Variants in CHODL observed in about 807,000 individuals in gnomAD.
CHODL encodes the protein chondrolectin.
A neutral mutation model predicts 34.5 loss-of-function variants in CHODL; 29 were observed. The ratio of observed to expected loss-of-function variants is 0.84; its 90% CI spans 0.63 to 1.15. CHODL has a LOEUF of 1.15. Among genes scored for constraint, CHODL ranks in the 50% most tolerant of loss-of-function variants. The pLI is 0.00. For synonymous variants in CHODL, 125 were observed against 116.1 expected (o/e 1.08, Z -0.49); for missense variants, 332 against 332.5 (o/e 1.00, Z 0.01).
chr21:18,131,551 C>T (rs75696230), intron 2 of CHODL, among the ~76,000 whole-genome samples: 1 of 152,102 alleles, frequency 6.6e-6, no homozygotes, highest in South Asian at 2.1e-4. Context: ...CCCATTTTCC[C>T]CAGTTATTTT....
intron 2 of CHODL, among the ~76,000 whole-genome samples, chr21:18,225,461 T>C (rs2073922729): frequency 6.6e-6 from 1 of 152,176 alleles, no homozygotes; most frequent in Non-Finnish European, 1.5e-5. Context: ...GTATTATTAT[T>C]CTATTTGACA....
rs148960565 is a variant in CHODL, at chr21:17,962,202, A to G, written c.-145+44802A>G. 4.6e-5 allele frequency among the ~76,000 whole-genome samples: 7 copies of G among 152,338 alleles called. No individual in the cohort carries two copies. The East Asian group carries it at 1.3e-3, about 29-fold the overall frequency. On this transcript the variant is annotated intron_variant, in intron 1 of 6. Coordinates refer to the CHODL transcript ENST00000400127. The stretch of plus-strand genomic sequence containing the variant: ...CAAACATATGGAATCAAGACCATTT[A>G]TCCTCTTAAAGATGTAACCTAAACT...
At chr21:18,165,288 A>G (rs1044207922) in intron 2 of CHODL, among the ~76,000 whole-genome samples, 6 of 152,286 alleles carry the variant, frequency 3.9e-5, no homozygotes, top group Middle Eastern at 3.4e-3. Flanking sequence ...GTGGTATTTT[A>G]TATTTGTTTT....
intron 3 of CHODL, among the ~76,000 whole-genome samples, chr21:18,259,244 C>G (rs73318254): frequency 2.0e-5 from 3 of 151,598 alleles, no homozygotes; most frequent in East Asian, 1.9e-4. Flanking sequence ...AATTTACAGG[C>G]TTTTTTTTAA....
intron 1 of CHODL, among the ~76,000 whole-genome samples, chr21:17,996,125 A>G (rs1253262818): frequency 6.6e-6 from 1 of 151,712 alleles, no homozygotes. Flanking sequence ...CATGCTTCCC[A>G]TCCTTGAGCG....
At chr21:17,952,991 C>T (rs1455038660) in intron 1 of CHODL, among the ~76,000 whole-genome samples, 1 of 152,100 alleles carries the variant, frequency 6.6e-6, no homozygotes, top group Non-Finnish European at 1.5e-5. Flanking sequence ...ATGAGAACAG[C>T]TTGGAAAAAA....
intron 2 of CHODL, among the ~76,000 whole-genome samples, chr21:18,160,224 G>A (rs191837985): frequency 7.9e-4 from 120 of 152,332 alleles, no homozygotes; most frequent in African/African-American, 2.6e-3. Flanking sequence ...TAACTGGTAA[G>A]TTAAGGGACA....
At chr21:18,118,814 T>A (rs1025174419) in intron 2 of CHODL, among the ~76,000 whole-genome samples, 3 of 152,218 alleles carry the variant, frequency 2.0e-5, no homozygotes, top group Admixed American at 2.0e-4. Context: ...TACCATACTT[T>A]AAATACAAAA....
chr21:18,214,258 G>A lies in CHODL; in HGVS notation c.-44-42251G>A, dbSNP rs557455353. On this transcript the variant is annotated intron_variant, in intron 2 of 6. Coordinates refer to the CHODL transcript ENST00000400127. ...TGTTGAAAGTCACCTCAGTTCTAAAGCTTTATCATGTCTGTTCATTATATT... is the reference window on the plus strand; with the variant it reads ...TGTTGAAAGTCACCTCAGTTCTAAAACTTTATCATGTCTGTTCATTATATT... Among the ~76,000 whole-genome samples, 3 of 152,100 alleles carry A rather than the reference G, an allele frequency of 2.0e-5. No homozygotes were observed. In the East Asian group the frequency reaches 5.8e-4, roughly 29 times the overall value.
At chr21:17,951,518 CTG>C (rs980589333) in intron 1 of CHODL, among the ~76,000 whole-genome samples, 3 of 151,752 alleles carry the variant, frequency 2.0e-5, no homozygotes, top group Non-Finnish European at 4.4e-5. Flanking sequence ...TAACAAAAGA[CTG>C]TATCCACACA....
chr21:17,998,851 G>A (rs113721832), intron 1 of CHODL, among the ~76,000 whole-genome samples: 13 of 152,308 alleles, frequency 8.5e-5, no homozygotes, highest in South Asian at 8.3e-4. Context: ...GAGGGGCTGC[G>A]GTGAAGGTCT....
chr21:18,209,688 C>G (rs1037596133), intron 2 of CHODL, among the ~76,000 whole-genome samples: 1 of 152,140 alleles, frequency 6.6e-6, no homozygotes, highest in African/African-American at 2.4e-5. Flanking sequence ...CAAGTACAAC[C>G]TGGGTATTGC....
intron 2 of CHODL, among the ~76,000 whole-genome samples, chr21:18,161,841 C>T (rs540782217): frequency 1.3e-4 from 20 of 152,142 alleles, no homozygotes; most frequent in Non-Finnish European, 2.5e-4. Context: ...GCTGAAAGCT[C>T]CTAAGGGTAG....
At chr21:18,045,147 C>T (rs902880833) in intron 2 of CHODL, among the ~76,000 whole-genome samples, 2 of 151,794 alleles carry the variant, frequency 1.3e-5, no homozygotes, top group African/African-American at 4.8e-5. Context: ...GATCTGGGAC[C>T]TGAATAATGA....
chr21:17,997,400 A>C (rs1253385632), intron 1 of CHODL, among the ~76,000 whole-genome samples: 2 of 152,206 alleles, frequency 1.3e-5, no homozygotes, highest in African/African-American at 2.4e-5. Context: ...GGAGCAAGAA[A>C]GGCCATACTA....
intron 1 of CHODL, among the ~76,000 whole-genome samples, chr21:17,999,423 C>T (rs963234510): frequency 5.9e-5 from 9 of 152,202 alleles, no homozygotes; most frequent in African/African-American, 2.2e-4. Flanking sequence ...TTTTGGGTAT[C>T]TTTTCAGCAA....
Position 18,252,576 on chromosome 21 carries a change from G to A in CHODL, c.80-3933G>A, listed in dbSNP as rs1352790763. Among the ~76,000 whole-genome samples the A allele has an allele frequency of 2.0e-5, 3 of 152,068 alleles. No homozygotes were observed. The East Asian group carries it at 5.8e-4, about 29-fold the overall frequency. ...CTTCTGATGATTTTGCTGCAACTTGGACCAAATTTGCACGATAAGGTGGAA... is the reference window on the plus strand; with the variant it reads ...CTTCTGATGATTTTGCTGCAACTTGAACCAAATTTGCACGATAAGGTGGAA... On this transcript the variant is annotated intron_variant, in intron 1 of 5. Transcript: ENST00000299295.
chr21:18,048,797 A>G (rs1396111156), intron 2 of CHODL, among the ~76,000 whole-genome samples: 1 of 151,912 alleles, frequency 6.6e-6, no homozygotes, highest in Non-Finnish European at 1.5e-5. Flanking sequence ...GTACAACAAA[A>G]CCATATGCAA....
intron 1 of CHODL, among the ~76,000 whole-genome samples, chr21:17,930,358 G>C (rs2063262280): frequency 6.6e-6 from 1 of 152,188 alleles, no homozygotes; most frequent in Admixed American, 6.5e-5. Flanking sequence ...CAGTTGTAGG[G>C]AGGGAACAGG....
Sources: gnomAD v4.1 joint callset for allele counts (sites outside exome capture counted in the v4.1 genomes callset) on GRCh38, gnomAD v4.1.1 for gene constraint, MANE v1.5 for transcripts, NCBI Gene and HGNC (gene_info 2026-07-23, HGNC 2026-07-21) for gene names.